MACROD2: variants seen among roughly 807,000 people sequenced by gnomAD.
MACROD2 encodes mono-ADP ribosylhydrolase 2, also known as ADP-ribose glycohydrolase MACROD2.
In MACROD2, 36 loss-of-function variants were observed where a neutral mutation model predicts 70.4. The observed-to-expected ratio is 0.51, with a 90% CI of 0.39 to 0.68. MACROD2 has a LOEUF of 0.68. Ranked by LOEUF, MACROD2 falls within the 30% of genes least tolerant of loss-of-function variation. The pLI is 0.00. For missense variants in MACROD2, 496 were observed against 538.4 expected (o/e 0.92, Z 0.78); for synonymous variants, 172 against 178.8 (o/e 0.96, Z 0.30).
intron 5 of MACROD2, among the ~76,000 whole-genome samples, chr20:14,805,238 C>T (rs1028788275): frequency 1.3e-4 from 20 of 151,992 alleles, no homozygotes; most frequent in Admixed American, 3.9e-4. Context: ...AAAGTTAAGA[C>T]GTTTTGTACC....
chr20:15,278,110 G>A (rs2077409444), intron 6 of MACROD2, among the ~76,000 whole-genome samples: 1 of 152,178 alleles, frequency 6.6e-6, no homozygotes, highest in Admixed American at 6.5e-5. Flanking sequence ...CTGCAGTGAT[G>A]TTACAGTTAC....
intron 3 of MACROD2, among the ~76,000 whole-genome samples, chr20:14,449,508 G>T (rs1457358874): frequency 6.6e-6 from 1 of 152,100 alleles, no homozygotes; most frequent in Non-Finnish European, 1.5e-5. Context: ...TAGTCTGGTT[G>T]TGAAATACAT....
intron 6 of MACROD2, among the ~76,000 whole-genome samples, chr20:15,305,165 T>C (rs963410631): frequency 2.6e-5 from 4 of 152,182 alleles, no homozygotes; most frequent in Non-Finnish European, 5.9e-5. Flanking sequence ...TCCTTGGGCC[T>C]CGTGTTCTCA....
rs369213242 is a variant in MACROD2, at chr20:15,612,170, C to G, written c.645+112323C>G. On this transcript the variant is annotated intron_variant, in intron 8 of 17. Transcript: ENST00000684519. The stretch of plus-strand genomic sequence containing the variant: ...GGCTTTAATTCCAAGAGGAGTTAGT[C>G]TTGTTTCAAATTATAGAATACAGCC... Among the ~76,000 whole-genome samples the G allele has an allele frequency of 8.5e-5, 13 of 152,196 alleles. No homozygotes were observed. In the South Asian group the frequency reaches 1.5e-3, roughly 17 times the overall value.
In MACROD2 at chr20:14,722,159, G is replaced by T. The variant is rs144834231; in HGVS notation, c.418+37200G>T. Among the ~76,000 whole-genome samples, 188 of 152,326 alleles carry T rather than the reference G, an allele frequency of 1.2e-3. 2 individuals are homozygous for T. The highest frequency in any genetic ancestry group is 4.2e-3 in the African/African-American group (173 of 41,566). Reference sequence around the variant, plus strand: ...TCTCATTTTTTGATGATCAGTGAGAGATAAGGATTGTTTTTCTCATGGGCT... The same window carrying T: ...TCTCATTTTTTGATGATCAGTGAGATATAAGGATTGTTTTTCTCATGGGCT... On this transcript the variant is annotated intron_variant, in intron 5 of 17. Transcript: ENST00000684519.
chr20:15,887,817 A>C (rs1197070961), intron 10 of MACROD2, among the ~76,000 whole-genome samples: 1 of 152,214 alleles, frequency 6.6e-6, no homozygotes, highest in Non-Finnish European at 1.5e-5. Flanking sequence ...ATTTCAATGT[A>C]TAATCAATAT....
At position 15,676,424 on chromosome 20, in the gene MACROD2, A is replaced by G. The variant is rs189758824; in HGVS notation, c.645+176577A>G. Among the ~76,000 whole-genome samples the G allele has an allele frequency of 3.7e-4, 57 of 152,276 alleles. 1 individual carries two copies. The highest frequency in any genetic ancestry group is 1.6e-3 in the Admixed American group (24 of 15,290). On this transcript the variant is annotated intron_variant, in intron 8 of 17. Coordinates refer to ENST00000684519, the MANE Select transcript of MACROD2 (RefSeq NM_001351661.2). ...ATCATGGGCTAAAATTCAAAAATCT[A>G]TTTTTCTTTTCTACTTCATTAAAGA...
At chr20:14,009,782 T>C (rs1024198691) in intron 2 of MACROD2, among the ~76,000 whole-genome samples, 2 of 152,202 alleles carry the variant, frequency 1.3e-5, no homozygotes, top group Non-Finnish European at 2.9e-5. Flanking sequence ...TGCAATACTA[T>C]GCAGCCATAA....
At chr20:14,293,012 C>T (rs2082398772) in intron 3 of MACROD2, among the ~76,000 whole-genome samples, 1 of 151,726 alleles carries the variant, frequency 6.6e-6, no homozygotes, top group South Asian at 2.1e-4. Flanking sequence ...CTAGGCTAAG[C>T]AGTGGGGATA....
intron 3 of MACROD2, among the ~76,000 whole-genome samples, chr20:14,484,409 A>C (rs896324501): frequency 6.6e-6 from 1 of 152,126 alleles, no homozygotes; most frequent in Admixed American, 6.5e-5. Context: ...GGTATCCATC[A>C]CCTCAAACAT....
At chr20:14,674,543 A>C (rs1361150879) in intron 4 of MACROD2, among the ~76,000 whole-genome samples, 1 of 152,168 alleles carries the variant, frequency 6.6e-6, no homozygotes, top group African/African-American at 2.4e-5. Context: ...AAAATCAAGA[A>C]AAAGAGATTT....
chr20:15,021,957 T>A (rs1290170649), intron 5 of MACROD2, among the ~76,000 whole-genome samples: 3 of 152,124 alleles, frequency 2.0e-5, no homozygotes, highest in Admixed American at 6.6e-5. Context: ...GGGAACTCTC[T>A]GTACTTTCAG....
chr20:15,129,101 T>C (rs897816008), intron 5 of MACROD2, among the ~76,000 whole-genome samples: 3 of 152,076 alleles, frequency 2.0e-5, no homozygotes, highest in Non-Finnish European at 4.4e-5. Flanking sequence ...AGTCAAATTA[T>C]GTATTTACAT....
chr20:15,708,076 G>T (rs1390657207), intron 8 of MACROD2, among the ~76,000 whole-genome samples: 1 of 151,164 alleles, frequency 6.6e-6, no homozygotes, highest in Non-Finnish European at 1.5e-5. Flanking sequence ...CTGCACTTCT[G>T]CCAGAAGAGG....
chr20:14,406,560 C>A lies in MACROD2; in HGVS notation c.272-86919C>A, dbSNP rs573783475. ...AGCTATTTAGTCTCCTTCTTTTGAACTTCTGCAACTTTTCCCCCTTAGCAT... is the reference window on the plus strand; with the variant it reads ...AGCTATTTAGTCTCCTTCTTTTGAAATTCTGCAACTTTTCCCCCTTAGCAT... On this transcript the variant is annotated intron_variant, in intron 3 of 17. Coordinates refer to ENST00000684519, the MANE Select transcript of MACROD2 (RefSeq NM_001351661.2). Among the ~76,000 whole-genome samples, 25 of 152,224 alleles carry A rather than the reference C, an allele frequency of 1.6e-4. No individual in the cohort carries two copies. The South Asian group carries it at 5.0e-3, about 30-fold the overall frequency.
intron 4 of MACROD2, among the ~76,000 whole-genome samples, chr20:14,679,607 A>G (rs112786874): frequency 9.2e-5 from 14 of 152,344 alleles, no homozygotes; most frequent in African/African-American, 3.4e-4. Flanking sequence ...AGAATTGACA[A>G]TAGATTAGAG....
chr20:15,420,627 T>A (rs1411112031), intron 6 of MACROD2, among the ~76,000 whole-genome samples: 1 of 152,190 alleles, frequency 6.6e-6, no homozygotes, highest in East Asian at 1.9e-4. Context: ...TTGACTATTC[T>A]CCACTGTTAA....
intron 3 of MACROD2, among the ~76,000 whole-genome samples, chr20:14,452,290 C>T (rs904283171): frequency 1.3e-5 from 2 of 151,822 alleles, no homozygotes; most frequent in Non-Finnish European, 2.9e-5. Context: ...GTTTTTGTGT[C>T]CTTGAGTATT....
chr20:15,773,029 T>G (rs2051663511), intron 8 of MACROD2, among the ~76,000 whole-genome samples: 1 of 152,130 alleles, frequency 6.6e-6, no homozygotes, highest in Non-Finnish European at 1.5e-5. Context: ...CAGTGGTATT[T>G]CAAAATATCT....
Sources: gnomAD v4.1 joint callset for allele counts (sites outside exome capture counted in the v4.1 genomes callset) on GRCh38, gnomAD v4.1.1 for gene constraint, MANE v1.5 for transcripts, NCBI Gene and HGNC (gene_info 2026-07-23, HGNC 2026-07-21) for gene names.